ALOX5AP: variants seen among roughly 807,000 people sequenced by gnomAD.
ALOX5AP encodes the protein arachidonate 5-lipoxygenase-activating protein.
ALOX5AP carries 9 observed loss-of-function variants against 18.5 expected under a neutral mutation model. The ratio of observed to expected loss-of-function variants is 0.49; its 90% CI spans 0.29 to 0.85. The LOEUF is 0.85. Among genes scored for constraint, ALOX5AP ranks in the 40% least tolerant of loss-of-function variants. ALOX5AP has a pLI of 0.08. For missense variants in ALOX5AP, 172 were observed against 202.5 expected (o/e 0.85, Z 0.91); for synonymous variants, 81 against 78.6 (o/e 1.03, Z -0.16).
At chr13:30,755,164 C>A (rs529785031) in intron 3 of ALOX5AP, among the ~76,000 whole-genome samples, 1 of 150,326 alleles carries the variant, frequency 6.7e-6, no homozygotes, top group Non-Finnish European at 1.5e-5. Context: ...AAGGCTAGAA[C>A]GCAGAGGGAA....
intron 1 of ALOX5AP, among the ~76,000 whole-genome samples, chr13:30,738,167 T>A (rs1393629854): frequency 5.9e-5 from 9 of 152,206 alleles, no homozygotes; most frequent in Admixed American, 5.9e-4. Flanking sequence ...CATGACTGGG[T>A]TGGGCTCTGC....
intron 4 of ALOX5AP, among the ~76,000 whole-genome samples, chr13:30,756,327 C>A (rs147288214): frequency 2.0e-5 from 3 of 152,194 alleles, no homozygotes; most frequent in Non-Finnish European, 4.4e-5. Context: ...CCTGCACTCC[C>A]GCCCTGCAGA....
intron 1 of ALOX5AP, among the ~76,000 whole-genome samples, chr13:30,715,742 T>A (rs1951545298): frequency 6.6e-6 from 1 of 152,242 alleles, no homozygotes; most frequent in Non-Finnish European, 1.5e-5. Flanking sequence ...TCCATAGAGT[T>A]TCCTTTCATA....
Position 30,741,347 on chromosome 13 carries a change from T to C in ALOX5AP, c.71-2713T>C, listed in dbSNP as rs1324280228. Among the ~76,000 whole-genome samples, 3 of 151,018 alleles carry C rather than the reference T, an allele frequency of 2.0e-5. 1 individual carries two copies. Among genetic ancestry groups the C allele is most frequent in the Non-Finnish European group, 4.4e-5 (3 of 67,744 alleles). ...GGATGGTCTCGACACATCCTCCATA[T>C]ACTTTAAGTAACCTCTAGATAATCT... is the stretch of plus-strand genomic sequence containing the variant. On this transcript the variant is annotated intron_variant, in intron 1 of 4. Coordinates refer to ENST00000380490, the MANE Select transcript of ALOX5AP (RefSeq NM_001629.4).
chr13:30,720,399 G>A (rs17222905), intron 1 of ALOX5AP, among the ~76,000 whole-genome samples: 5,894 of 152,160 alleles, frequency 0.039, 152 homozygotes, highest in Non-Finnish European at 0.061. Context: ...GGGTCTCTTG[G>A]GATATCTTTT....
chr13:30,759,401 A>T (rs1951922872), intron 4 of ALOX5AP, among the ~76,000 whole-genome samples: 1 of 152,018 alleles, frequency 6.6e-6, no homozygotes. Context: ...CCTCCTCCTG[A>T]GTTGCTCACT....
upstream of ALOX5AP, among the ~76,000 whole-genome samples, chr13:30,730,751 C>T (rs1348673546): frequency 1.3e-5 from 2 of 152,192 alleles, no homozygotes; most frequent in East Asian, 1.9e-4. Context: ...CATGTTGATG[C>T]GAAGTGTCTG....
chr13:30,715,405 T>C (rs1951542478), intron 1 of ALOX5AP, among the ~76,000 whole-genome samples: 2 of 152,206 alleles, frequency 1.3e-5, no homozygotes, highest in African/African-American at 2.4e-5. Flanking sequence ...TTCTGCCACA[T>C]TGCAGTGGCC....
At chr13:30,714,233 G>A (rs1321351357) in intron 1 of ALOX5AP, among the ~76,000 whole-genome samples, 2 of 147,908 alleles carry the variant, frequency 1.4e-5, no homozygotes, top group Admixed American at 1.3e-4. Context: ...AAAGGCCTGA[G>A]CTGAGTGCTC....
chr13:30,744,628 C>G (rs777107097), intron 2 of ALOX5AP, among the ~76,000 whole-genome samples: 1 of 152,146 alleles, frequency 6.6e-6, no homozygotes, highest in East Asian at 1.9e-4. Flanking sequence ...AACACGGGGG[C>G]TCCTTGAGCA....
At chr13:30,732,116 T>G (rs969455661), upstream of ALOX5AP, among the ~76,000 whole-genome samples, 28 of 152,358 alleles carry the variant, frequency 1.8e-4, no homozygotes, top group African/African-American at 6.7e-4. Flanking sequence ...TCCCCGGGCC[T>G]CTGCACGTGC....
intron 1 of ALOX5AP, among the ~76,000 whole-genome samples, chr13:30,726,691 GTTTA>G (rs1951642071): frequency 6.6e-6 from 1 of 152,174 alleles, no homozygotes; most frequent in South Asian, 2.1e-4. Context: ...ATATTAACCA[GTTTA>G]TTTATTTATT....
chr13:30,721,693 C>T (rs747035616), intron 1 of ALOX5AP, among the ~76,000 whole-genome samples: 40 of 152,156 alleles, frequency 2.6e-4, no homozygotes, highest in Non-Finnish European at 4.4e-4. Context: ...GAGACTCCTC[C>T]TCTTAAAATC....
chr13:30,748,432 G>T (rs909469214), intron 2 of ALOX5AP, among the ~76,000 whole-genome samples: 1 of 152,112 alleles, frequency 6.6e-6, no homozygotes, highest in Non-Finnish European at 1.5e-5. Context: ...ATATAGCAAC[G>T]AATTCTTTTC....
chr13:30,745,138 T>A (rs748976911), intron 2 of ALOX5AP, among the ~76,000 whole-genome samples: 82 of 152,324 alleles, frequency 5.4e-4, no homozygotes, highest in Non-Finnish European at 1.1e-3. Flanking sequence ...TTCCTGTGAA[T>A]TAAACTGGCT....
intron 4 of ALOX5AP, among the ~76,000 whole-genome samples, chr13:30,761,600 A>G (rs1951941631): frequency 6.6e-6 from 1 of 152,212 alleles, no homozygotes; most frequent in South Asian, 2.1e-4. Context: ...CTGCCATAAC[A>G]AAGCACTGCA....
At chr13:30,754,492 T>C (rs1951876367) in intron 3 of ALOX5AP, among the ~76,000 whole-genome samples, 1 of 152,184 alleles carries the variant, frequency 6.6e-6, no homozygotes, top group African/African-American at 2.4e-5. Flanking sequence ...AAATAATATG[T>C]ATAAAGCTCC....
At chr13:30,726,787 C>T (rs188568065) in intron 1 of ALOX5AP, among the ~76,000 whole-genome samples, 169 of 152,134 alleles carry the variant, frequency 1.1e-3, no homozygotes, top group African/African-American at 3.9e-3. Context: ...CCATTTAGTC[C>T]TCCGAGTAGC....
intron 1 of ALOX5AP, among the ~76,000 whole-genome samples, chr13:30,724,399 T>A (rs1437732167): frequency 6.6e-6 from 1 of 152,210 alleles, no homozygotes; most frequent in East Asian, 1.9e-4. Flanking sequence ...GACTGCCAGT[T>A]TTGAATGAGA....
Sources: allele counts gnomAD v4.1 joint callset (sites outside exome capture counted in the v4.1 genomes callset), GRCh38; gene constraint gnomAD v4.1.1; transcripts MANE v1.5; gene names NCBI Gene and HGNC (gene_info 2026-07-23, HGNC 2026-07-21).